Variants in SHISA6 observed in about 807,000 individuals in gnomAD.
SHISA6 encodes the protein protein shisa-6.
SHISA6 carries 22 observed loss-of-function variants against 47.9 expected under a neutral mutation model. That is an observed-to-expected ratio of 0.46 (90% CI 0.33 to 0.66). The LOEUF (loss-of-function observed/expected upper bound fraction) is 0.66, where lower values mean the gene tolerates loss of function less well. Ranked by LOEUF, SHISA6 falls within the 30% of genes least tolerant of loss-of-function variation. The pLI is 0.02. For synonymous variants in SHISA6, 388 were observed against 337.8 expected, an observed-to-expected ratio of 1.15 and a Z score of -1.63; for missense variants, 680 against 764.6, an observed-to-expected ratio of 0.89 and a Z score of 1.30.
At chr17:11,538,401 A>G (rs1470846580) in intron 3 of SHISA6, among the ~76,000 whole-genome samples, 1 of 152,032 alleles carries the variant, frequency 6.6e-6, no homozygotes, top group East Asian at 1.9e-4. Context: ...AGTTTGGGAG[A>G]AGTGAGAAGG....
chr17:11,263,033 CCA>C (rs1302876870), intron 1 of SHISA6, among the ~76,000 whole-genome samples: 5 of 152,288 alleles, frequency 3.3e-5, no homozygotes, highest in African/African-American at 1.2e-4. Flanking sequence ...TAGTGGCATT[CCA>C]CTGGCCAGCT....
At chr17:11,361,391 T>G (rs1912279718) in intron 2 of SHISA6, among the ~76,000 whole-genome samples, 1 of 152,204 alleles carries the variant, frequency 6.6e-6, no homozygotes, top group African/African-American at 2.4e-5. Flanking sequence ...TTAGAAAATT[T>G]TTAGGGCATC....
chr17:11,438,965 G>T (rs1188063741), intron 3 of SHISA6, among the ~76,000 whole-genome samples: 1 of 152,228 alleles, frequency 6.6e-6, no homozygotes, highest in Non-Finnish European at 1.5e-5. Context: ...GAGCAAGGAT[G>T]AAGGGCAGGG....
At chr17:11,423,326 T>TATATATAG (rs368074259) in intron 3 of SHISA6, among the ~76,000 whole-genome samples, 13 of 142,678 alleles carry the variant, frequency 9.1e-5, no homozygotes, top group South Asian at 4.5e-4. Flanking sequence ...GTAACATATA[T>TATATATAG]ATAGATAGAT....
chr17:11,495,084 G>A (rs984849219), intron 3 of SHISA6, among the ~76,000 whole-genome samples: 3 of 152,134 alleles, frequency 2.0e-5, no homozygotes, highest in African/African-American at 7.2e-5. Flanking sequence ...GAGCAAGGTG[G>A]AATAAGCTGA....
chr17:11,509,828 CTCTATTG>C (rs766313371), intron 3 of SHISA6, among the ~76,000 whole-genome samples: 2 of 152,164 alleles, frequency 1.3e-5, no homozygotes, highest in Non-Finnish European at 2.9e-5. Context: ...CCTCTTAATA[CTCTATTG>C]TCTAGTGTGC....
intron 2 of SHISA6, among the ~76,000 whole-genome samples, chr17:11,323,035 C>T (rs1457251361): frequency 5.3e-5 from 8 of 152,248 alleles, no homozygotes; most frequent in African/African-American, 1.7e-4. Flanking sequence ...AAATTCTTTT[C>T]GGGTCAGGTT....
intron 3 of SHISA6, among the ~76,000 whole-genome samples, chr17:11,426,287 T>G (rs1914609345): frequency 6.6e-6 from 1 of 152,230 alleles, no homozygotes; most frequent in Admixed American, 6.5e-5. Context: ...TTAGCCACAA[T>G]TCTAGCATTC....
chr17:11,387,952 C>T (rs987773327), intron 3 of SHISA6, among the ~76,000 whole-genome samples: 3 of 152,174 alleles, frequency 2.0e-5, no homozygotes, highest in Non-Finnish European at 2.9e-5. Flanking sequence ...CTGGGTGCTG[C>T]TCATGGCCTC....
intron 1 of SHISA6, among the ~76,000 whole-genome samples, chr17:11,252,817 A>G (rs1399699151): frequency 6.6e-6 from 1 of 152,190 alleles, no homozygotes; most frequent in Non-Finnish European, 1.5e-5. Context: ...CTGCTCCAGA[A>G]CTTGGGGAAG....
intron 3 of SHISA6, among the ~76,000 whole-genome samples, chr17:11,417,062 A>T (rs1270127980): frequency 6.6e-6 from 1 of 152,208 alleles, no homozygotes; most frequent in Non-Finnish European, 1.5e-5. Flanking sequence ...CTGCCATTTG[A>T]AAACAGATAT....
chr17:11,526,020 A>AG lies in SHISA6; in HGVS notation c.896-25876_896-25875insG, dbSNP rs199940787. 1.1e-3 allele frequency among the ~76,000 whole-genome samples: 165 copies of AG among 151,636 alleles called. 2 individuals are homozygous for AG. The Middle Eastern group carries it at 0.02, about 19-fold the overall frequency. ...GAGACCCTATCTTAAAAAGAAAAAA[A>AG]AAAAACCTGTCTTCAATAAACTAAG... On this transcript the variant is annotated intron_variant, in intron 3 of 5. Transcript: ENST00000441885.
intron 3 of SHISA6, among the ~76,000 whole-genome samples, chr17:11,389,132 C>T (rs1434055231): frequency 6.6e-6 from 1 of 152,056 alleles, no homozygotes; most frequent in Non-Finnish European, 1.5e-5. Flanking sequence ...TCCTGAGCCA[C>T]CCACGGAGTC....
intron 1 of SHISA6, among the ~76,000 whole-genome samples, chr17:11,251,105 C>T (rs1907785099): frequency 6.6e-6 from 1 of 152,150 alleles, no homozygotes; most frequent in East Asian, 1.9e-4. Context: ...TTCTCTCTCT[C>T]AAGTCCAGTA....
At chr17:11,417,514 C>A (rs749272927) in intron 3 of SHISA6, among the ~76,000 whole-genome samples, 1 of 152,184 alleles carries the variant, frequency 6.6e-6, no homozygotes, top group African/African-American at 2.4e-5. Context: ...TGGACATTCT[C>A]CAGGACAGCG....
At chr17:11,398,404 C>T (rs1220195898) in intron 3 of SHISA6, among the ~76,000 whole-genome samples, 1 of 152,070 alleles carries the variant, frequency 6.6e-6, no homozygotes, top group Non-Finnish European at 1.5e-5. Flanking sequence ...CTCCCCACTT[C>T]TATGCCTCCT....
intron 1 of SHISA6, among the ~76,000 whole-genome samples, chr17:11,257,856 A>G (rs564573800): frequency 5.6e-4 from 85 of 152,284 alleles, no homozygotes; most frequent in African/African-American, 2.0e-3. Context: ...GGAAACAAAA[A>G]CAAGCAATTT....
chr17:11,411,228 A>G (rs1175535408), intron 3 of SHISA6, among the ~76,000 whole-genome samples: 1 of 152,106 alleles, frequency 6.6e-6, no homozygotes, highest in African/African-American at 2.4e-5. Context: ...TCGGCCTCCC[A>G]AAGTGCTGGG....
chr17:11,285,983 C>T (rs9897249), intron 2 of SHISA6, among the ~76,000 whole-genome samples: 32,489 of 151,868 alleles, frequency 0.21, 3,659 homozygotes, highest in Middle Eastern at 0.25. Context: ...ATTACAGGCA[C>T]GTGCCACCAC....
Sources: gnomAD v4.1 joint callset for allele counts (sites outside exome capture counted in the v4.1 genomes callset) on GRCh38, gnomAD v4.1.1 for gene constraint, MANE v1.5 for transcripts, NCBI Gene and HGNC (gene_info 2026-07-23, HGNC 2026-07-21) for gene names.